The following CADM2 variants were observed in gnomAD, a reference collection of about 807,000 sequenced individuals.
The protein encoded by CADM2 is cell adhesion molecule 2.
Under a neutral mutation model 49.8 loss-of-function variants are expected in CADM2, and 12 were observed. The observed-to-expected ratio is 0.24, with a 90% CI of 0.15 to 0.39. The LOEUF is 0.39. Ranked by LOEUF, CADM2 falls within the 10% of genes least tolerant of loss-of-function variation. The pLI is 1.00. For missense variants in CADM2, 378 were observed against 492.3 expected (o/e 0.77, Z 2.20); for synonymous variants, 214 against 175.4 (o/e 1.22, Z -1.74).
intron 8 of CADM2, among the ~76,000 whole-genome samples, chr3:85,987,172 C>G (rs1390334461): frequency 1.3e-5 from 2 of 151,870 alleles, no homozygotes; most frequent in Admixed American, 1.3e-4. Flanking sequence ...TCTGAGAAAA[C>G]CTTGTATTTA....
chr3:85,700,421 A>C (rs1045427601), intron 1 of CADM2, among the ~76,000 whole-genome samples: 6 of 152,160 alleles, frequency 3.9e-5, no homozygotes, highest in Non-Finnish European at 8.8e-5. Flanking sequence ...CCACCATGGC[A>C]TGTGTATGCC....
At chr3:85,901,986 A>G (rs1207629455) in intron 5 of CADM2, among the ~76,000 whole-genome samples, 1 of 152,188 alleles carries the variant, frequency 6.6e-6, no homozygotes, top group Non-Finnish European at 1.5e-5. Context: ...GCCAAATAAT[A>G]TATCATTGTA....
At chr3:85,713,155 T>C (rs746109383) in intron 1 of CADM2, among the ~76,000 whole-genome samples, 1 of 152,158 alleles carries the variant, frequency 6.6e-6, no homozygotes, top group Non-Finnish European at 1.5e-5. Flanking sequence ...TGGAGTGAAG[T>C]GGCGCGACCT....
intron 1 of CADM2, among the ~76,000 whole-genome samples, chr3:85,543,420 A>ATGTGTGTGGGGGTGTGTGTGTGTG (rs372108050): frequency 0.043 from 5,596 of 129,514 alleles, 242 homozygotes; most frequent in East Asian, 0.093. Context: ...TGCCAAGCTA[A>ATGTGTGTGGGGGTGTGTGTGTGTG]TGTGTGTGTG....
chr3:85,279,643 C>A (rs1305564529), intron 1 of CADM2, among the ~76,000 whole-genome samples: 1 of 151,002 alleles, frequency 6.6e-6, no homozygotes, highest in East Asian at 1.9e-4. Flanking sequence ...TATTGACTAC[C>A]AATTTTTTTA....
chr3:86,017,291 T>A (rs1732397239), intron 8 of CADM2, among the ~76,000 whole-genome samples: 1 of 151,632 alleles, frequency 6.6e-6, no homozygotes, highest in South Asian at 2.1e-4. Flanking sequence ...AGTTCTATGA[T>A]TTGGTCAAAT....
At chr3:85,158,192 C>T (rs1176707841) in intron 1 of CADM2, among the ~76,000 whole-genome samples, 2 of 152,180 alleles carry the variant, frequency 1.3e-5, no homozygotes, top group East Asian at 3.9e-4. Context: ...CAGGAAACAA[C>T]AGGTGCTGGA....
At chr3:85,862,353 G>T (rs962927755) in intron 3 of CADM2, among the ~76,000 whole-genome samples, 1 of 152,070 alleles carries the variant, frequency 6.6e-6, no homozygotes, top group African/African-American at 2.4e-5. Context: ...CTAACTAGAT[G>T]ATTCTAAGCA....
chr3:85,359,291 T>A (rs1270279424), intron 1 of CADM2, among the ~76,000 whole-genome samples: 1 of 152,108 alleles, frequency 6.6e-6, no homozygotes, highest in Non-Finnish European at 1.5e-5. Context: ...TGAACAAGCA[T>A]TTTCAGTATA....
intron 8 of CADM2, among the ~76,000 whole-genome samples, chr3:86,065,292 A>G (rs1739176079): frequency 6.6e-6 from 1 of 152,208 alleles, no homozygotes; most frequent in Non-Finnish European, 1.5e-5. Context: ...GCAGACATAC[A>G]CACACATATT....
chr3:85,368,457 G>C (rs2032960325), intron 1 of CADM2, among the ~76,000 whole-genome samples: 1 of 151,596 alleles, frequency 6.6e-6, no homozygotes, highest in South Asian at 2.1e-4. Context: ...AGCATAAGCA[G>C]TTGGTATCAG....
At chr3:85,109,626 G>T (rs1050874092) in intron 1 of CADM2, among the ~76,000 whole-genome samples, 3 of 151,902 alleles carry the variant, frequency 2.0e-5, no homozygotes, top group African/African-American at 7.2e-5. Flanking sequence ...TGAGGGAAAA[G>T]TAAAGAGAAA....
intron 1 of CADM2, among the ~76,000 whole-genome samples, chr3:85,145,263 G>A (rs1575973738): frequency 6.6e-6 from 1 of 152,146 alleles, no homozygotes; most frequent in Admixed American, 6.5e-5. Context: ...TGCTTGAATA[G>A]TGCTTGTTTT....
chr3:85,666,733 C>T (rs1453729185), intron 1 of CADM2, among the ~76,000 whole-genome samples: 1 of 151,536 alleles, frequency 6.6e-6, no homozygotes, highest in Non-Finnish European at 1.5e-5. Context: ...AACAACTGTC[C>T]CGTGAAGATC....
At position 84,959,233 on chromosome 3, in the gene CADM2, G is replaced by T. The variant is rs1358842121; in HGVS notation, c.-375G>T. 3.0e-6 allele frequency: 1 copy of T among 338,692 alleles called. No homozygotes were observed. Among genetic ancestry groups the T allele is most frequent in the Non-Finnish European group, 5.5e-6 (1 of 182,090 alleles). The allele number at this position is 338,692 out of a possible 1,614,324, so 21.0% of individuals were successfully genotyped here. The stretch of plus-strand genomic sequence containing the variant: ...TACCCACTCCTTGCAGCCCTCGCCC[G>T]CACCTTCTCCAACACCCCGGCATCC... On this transcript the variant is annotated 5_prime_UTR_variant, in exon 1 of 10. Coordinates refer to ENST00000383699, the MANE Select transcript of CADM2 (RefSeq NM_001167675.2).
intron 1 of CADM2, among the ~76,000 whole-genome samples, chr3:85,431,687 T>G (rs1433285024): frequency 6.6e-6 from 1 of 151,028 alleles, no homozygotes; most frequent in Non-Finnish European, 1.5e-5. Flanking sequence ...TGATGATAAT[T>G]TATCCCTAAG....
chr3:85,409,452 G>T (rs2035557917), intron 1 of CADM2, among the ~76,000 whole-genome samples: 1 of 152,220 alleles, frequency 6.6e-6, no homozygotes, highest in African/African-American at 2.4e-5. Context: ...TAAGAAGTTT[G>T]CCAGTTGACT....
intron 1 of CADM2, among the ~76,000 whole-genome samples, chr3:85,134,429 C>T (rs1478549906): frequency 1.3e-5 from 2 of 152,248 alleles, no homozygotes; most frequent in Admixed American, 6.5e-5. Flanking sequence ...CCTCTCAATA[C>T]CACACGCTAT....
chr3:85,241,385 A>G (rs1432954767), intron 1 of CADM2, among the ~76,000 whole-genome samples: 2 of 151,562 alleles, frequency 1.3e-5, no homozygotes, highest in African/African-American at 4.8e-5. Context: ...AAGGAATTGC[A>G]TACAAGGTAC....
Sources: gnomAD v4.1 joint callset for allele counts (sites outside exome capture counted in the v4.1 genomes callset) on GRCh38, gnomAD v4.1.1 for gene constraint, MANE v1.5 for transcripts, NCBI Gene and HGNC (gene_info 2026-07-23, HGNC 2026-07-21) for gene names.